Variants in MTSS1 observed in about 807,000 individuals in gnomAD.
MTSS1 encodes the protein MTSS I-BAR domain containing 1.
MTSS1 carries 18 observed loss-of-function variants against 79.0 expected under a neutral mutation model. That is an observed-to-expected ratio of 0.23 (90% CI 0.16 to 0.34). MTSS1 has a LOEUF of 0.34. Among genes scored for constraint, MTSS1 ranks in the 10% least tolerant of loss-of-function variants. MTSS1 has a pLI of 1.00. For synonymous variants in MTSS1, 341 were observed against 368.6 expected, an observed-to-expected ratio of 0.93 and a Z score of 0.86; for missense variants, 815 against 986.2, an observed-to-expected ratio of 0.83 and a Z score of 2.33.
chr8:124,672,037 A>G (rs753164952), intron 3 of MTSS1, among the ~76,000 whole-genome samples: 1 of 152,256 alleles, frequency 6.6e-6, no homozygotes, highest in Non-Finnish European at 1.5e-5. Flanking sequence ...TCCAGCAGCT[A>G]CATCCACAGA....
chr8:124,680,205 A>G (rs968557960), intron 3 of MTSS1, among the ~76,000 whole-genome samples: 29 of 152,262 alleles, frequency 1.9e-4, no homozygotes, highest in African/African-American at 6.5e-4. Context: ...TCACTGGATC[A>G]GACCACACAT....
At chr8:124,635,866 C>A (rs1045127607) in intron 3 of MTSS1, among the ~76,000 whole-genome samples, 9 of 151,994 alleles carry the variant, frequency 5.9e-5, no homozygotes, top group Non-Finnish European at 1.0e-4. Flanking sequence ...AACAAAACAA[C>A]AAGAAAGCCT....
chr8:124,606,178 T>TG (rs1563844722), intron 3 of MTSS1, among the ~76,000 whole-genome samples: 1 of 148,544 alleles, frequency 6.7e-6, no homozygotes, highest in Non-Finnish European at 1.5e-5. Flanking sequence ...TTTGTTTTTT[T>TG]TTTTTTTTTT....
intron 3 of MTSS1, among the ~76,000 whole-genome samples, chr8:124,691,041 TG>T (rs1827853778): frequency 6.6e-6 from 1 of 152,020 alleles, no homozygotes; most frequent in Admixed American, 6.6e-5. Flanking sequence ...TTAAAAAAAA[TG>T]GGGAATCGTA....
intron 3 of MTSS1, among the ~76,000 whole-genome samples, chr8:124,667,795 C>A (rs1030636111): frequency 2.6e-5 from 4 of 152,088 alleles, no homozygotes; most frequent in African/African-American, 9.7e-5. Flanking sequence ...AGTCTCCAAG[C>A]GGCCAGGCAC....
intron 10 of MTSS1, among the ~76,000 whole-genome samples, chr8:124,559,426 G>A (rs1490487312): frequency 6.6e-6 from 1 of 152,220 alleles, no homozygotes; most frequent in Non-Finnish European, 1.5e-5. Flanking sequence ...CAGACTTTTA[G>A]GTTTCTCATC....
chr8:124,567,650 C>A, intron 7 of MTSS1: 1 of 1,390,524 alleles, frequency 7.2e-7, no homozygotes, highest in South Asian at 1.7e-5. Flanking sequence ...TTTCCAGCAA[C>A]TTAGTAAAAG....
At chr8:124,701,543 C>A (rs1322654631) in intron 2 of MTSS1, among the ~76,000 whole-genome samples, 1 of 152,208 alleles carries the variant, frequency 6.6e-6, no homozygotes. Flanking sequence ...TATCAAACTT[C>A]TTGGGACTTA....
At chr8:124,558,594 G>A (rs1352678646) in intron 10 of MTSS1, 32 of 1,341,770 alleles carry the variant, frequency 2.4e-5, no homozygotes, top group Non-Finnish European at 3.0e-5. Flanking sequence ...CCCAAGAGGA[G>A]CCCCACTCTT....
intron 3 of MTSS1, among the ~76,000 whole-genome samples, chr8:124,642,523 A>G (rs1238220754): frequency 6.6e-6 from 1 of 152,188 alleles, no homozygotes; most frequent in African/African-American, 2.4e-5. Flanking sequence ...ACATATTTAT[A>G]TTGATCCACC....
intron 3 of MTSS1, among the ~76,000 whole-genome samples, chr8:124,639,316 C>T (rs1449377683): frequency 2.0e-5 from 3 of 152,122 alleles, no homozygotes; most frequent in Non-Finnish European, 2.9e-5. Context: ...CTAGCCTGCG[C>T]CACAAAGCAA....
At chr8:124,612,652 CAGAG>C (rs953920705) in intron 3 of MTSS1, among the ~76,000 whole-genome samples, 2 of 65,926 alleles carry the variant, frequency 3.0e-5, no homozygotes, top group African/African-American at 5.4e-5. Context: ...GAAAGAGAGA[CAGAG>C]AGAGAGAAAC....
At chr8:124,608,188 G>C (rs936800950) in intron 3 of MTSS1, among the ~76,000 whole-genome samples, 4 of 151,818 alleles carry the variant, frequency 2.6e-5, no homozygotes, top group African/African-American at 9.7e-5. Flanking sequence ...AAGCCACTCT[G>C]GTTCCTCTTC....
chr8:124,556,112 G>A lies in MTSS1; in HGVS notation c.1404+120C>T, dbSNP rs773064393. ...ACTTTGCTGTAGAGCAGGAAGTCAG[G>A]GAATGGAGCCCAGGTCCCTCCAGCT... On this transcript the variant is annotated intron_variant, in intron 12 of 13. Transcript: ENST00000518547. The A allele has an allele frequency of 7.0e-6, 11 of 1,562,534 alleles. No homozygotes were observed. The South Asian group carries it at 1.2e-4, about 17-fold the overall frequency.
At chr8:124,692,029 A>AT (rs540850674) in intron 3 of MTSS1, among the ~76,000 whole-genome samples, 2,257 of 136,340 alleles carry the variant, frequency 0.017, 26 homozygotes, top group Non-Finnish European at 0.022. Context: ...AATTACCCTG[A>AT]TTTTTTTTTT....
intron 2 of MTSS1, among the ~76,000 whole-genome samples, chr8:124,700,437 C>T (rs1053890258): frequency 1.3e-5 from 2 of 152,134 alleles, no homozygotes; most frequent in African/African-American, 4.8e-5. Context: ...GTATCCCAGC[C>T]TCATGACTCA....
At chr8:124,660,070 G>A (rs571249182) in intron 3 of MTSS1, among the ~76,000 whole-genome samples, 2 of 152,232 alleles carry the variant, frequency 1.3e-5, no homozygotes, top group Non-Finnish European at 2.9e-5. Context: ...AAACATGGCA[G>A]GTAGGATGGC....
chr8:124,640,963 C>T (rs1817928570), intron 3 of MTSS1, among the ~76,000 whole-genome samples: 1 of 151,948 alleles, frequency 6.6e-6, no homozygotes, highest in Non-Finnish European at 1.5e-5. Context: ...AAACACATAA[C>T]TTAGTTTTCA....
Position 124,553,233 on chromosome 8 carries a change from GGAA to G in MTSS1, c.2024_2026del (p.Leu675del), listed in dbSNP as rs1217703617. On this transcript the variant is annotated inframe_deletion, in exon 14 of 14. Coordinates refer to ENST00000518547, the MANE Select transcript of MTSS1 (RefSeq NM_014751.6). This position sits in a 1 kb window ranked among gnomAD's most constrained non-coding sequence, Gnocchi z 6.0. ...CTCAGGGATACTGGGCTTCGGGCCT[GGAA>G]GTGGAGGGTTAACGGAAGCTTGGCC... 1 of 1,614,062 alleles carries G rather than the reference GGAA, an allele frequency of 6.2e-7. No homozygotes were observed. The highest frequency in any genetic ancestry group is 8.5e-7 in the Non-Finnish European group (1 of 1,180,054).
Sources: gnomAD v4.1 joint callset for allele counts (sites outside exome capture counted in the v4.1 genomes callset) on GRCh38, gnomAD v4.1.1 for gene constraint, Gnocchi (gnomAD v3.1) non-coding constraint, MANE v1.5 for transcripts, NCBI Gene and HGNC (gene_info 2026-07-23, HGNC 2026-07-21) for gene names.